The following PRUNE2 variants were observed in gnomAD, a reference collection of about 807,000 sequenced individuals.
PRUNE2 encodes the protein prune homolog 2 with BCH domain, also known as protein prune homolog 2.
Under a neutral mutation model 252.0 loss-of-function variants are expected in PRUNE2, and 164 were observed. That is an observed-to-expected ratio of 0.65 (90% CI 0.57 to 0.74). The LOEUF (loss-of-function observed/expected upper bound fraction) is 0.74, where lower values mean the gene tolerates loss of function less well. Among genes scored for constraint, PRUNE2 ranks in the 30% least tolerant of loss-of-function variants. The pLI is 0.00. For missense variants in PRUNE2, 3,495 were observed against 3,711.0 expected, an observed-to-expected ratio of 0.94 and a Z score of 1.51; for synonymous variants, 1,292 against 1,350.2, an observed-to-expected ratio of 0.96 and a Z score of 0.94.
intron 6 of PRUNE2, among the ~76,000 whole-genome samples, chr9:76,782,202 A>G (rs2054489289): frequency 6.6e-6 from 1 of 151,926 alleles, no homozygotes; most frequent in African/African-American, 2.4e-5. Context: ...TGACAAAGCG[A>G]GACTCCATCT....
At chr9:76,857,090 C>A (rs1394639794) in intron 1 of PRUNE2, 1 of 455,866 alleles carries the variant, frequency 2.2e-6, no homozygotes, top group South Asian at 1.5e-5. Context: ...CATTTCTCTC[C>A]TCACTTTCCT....
chr9:76,700,880 A>G (rs2045827327), intron 9 of PRUNE2, among the ~76,000 whole-genome samples: 1 of 152,212 alleles, frequency 6.6e-6, no homozygotes, highest in East Asian at 1.9e-4. Flanking sequence ...AATAGCGCAG[A>G]GTGCTTAACA....
chr9:76,637,774 T>G (rs557659052), intron 13 of PRUNE2, among the ~76,000 whole-genome samples: 5 of 152,300 alleles, frequency 3.3e-5, no homozygotes, highest in Admixed American at 3.3e-4. Flanking sequence ...GAAAAATGTA[T>G]GGGTTAGAAA....
intron 4 of PRUNE2, 97 bp downstream of exon 4, chr9:76,846,418 T>C: frequency 1.8e-6 from 2 of 1,099,616 alleles, no homozygotes; most frequent in Non-Finnish European, 2.6e-6. Context: ...TTAAAGAGAT[T>C]GTTAACCCAA....
At chr9:76,652,353 TA>T in intron 11 of PRUNE2, 129 bp downstream of exon 11, 1 of 697,772 alleles carries the variant, frequency 1.4e-6, no homozygotes, top group Non-Finnish European at 2.5e-6. Context: ...TGGCCACCTA[TA>T]ACCTGAAATA....
chr9:76,858,244 A>G (rs1281244894), intron 1 of PRUNE2, among the ~76,000 whole-genome samples: 1 of 152,252 alleles, frequency 6.6e-6, no homozygotes, highest in Non-Finnish European at 1.5e-5. Flanking sequence ...CTGCACTTGC[A>G]ATTTAGTGCA....
intron 9 of PRUNE2, among the ~76,000 whole-genome samples, chr9:76,673,563 C>A (rs2041942807): frequency 7.1e-6 from 1 of 140,170 alleles, no homozygotes; most frequent in African/African-American, 2.7e-5. Context: ...ATGAGGCCAG[C>A]ATCATTCTGA....
chr9:76,734,869 G>C (rs979776959), intron 6 of PRUNE2, among the ~76,000 whole-genome samples: 1 of 152,196 alleles, frequency 6.6e-6, no homozygotes, highest in Non-Finnish European at 1.5e-5. Flanking sequence ...GAAGCTCCCT[G>C]TTCCTCTGAG....
At chr9:76,625,772 C>T (rs759577298) in intron 16 of PRUNE2, among the ~76,000 whole-genome samples, 9 of 152,160 alleles carry the variant, frequency 5.9e-5, no homozygotes, top group Non-Finnish European at 1.0e-4. Context: ...GCTCTGTCTT[C>T]TTGTTTCATA....
chr9:76,867,924 G>A (rs2060941156), intron 1 of PRUNE2, among the ~76,000 whole-genome samples: 1 of 152,076 alleles, frequency 6.6e-6, no homozygotes, highest in South Asian at 2.1e-4. Flanking sequence ...CTAGGCTCTT[G>A]TGTACATGTA....
At chr9:76,692,297 A>C in intron 9 of PRUNE2, 1 of 613,686 alleles carries the variant, frequency 1.6e-6, no homozygotes, top group Non-Finnish European at 2.9e-6. Context: ...GCTGAGTTTC[A>C]TTTGGGAATA....
chr9:76,815,423 A>G (rs1229214726), intron 6 of PRUNE2, among the ~76,000 whole-genome samples: 1 of 152,220 alleles, frequency 6.6e-6, no homozygotes, highest in Non-Finnish European at 1.5e-5. Flanking sequence ...GTGTCTGGTG[A>G]GAGCCTGTTC....
chr9:76,618,278 G>A (rs1830587714), intron 18 of PRUNE2, among the ~76,000 whole-genome samples: 4 of 152,152 alleles, frequency 2.6e-5, no homozygotes, highest in Admixed American at 2.6e-4. Flanking sequence ...AGGTCAACAT[G>A]GCAAATGTGA....
At chr9:76,666,643 GC>G (rs2040242635) in intron 9 of PRUNE2, among the ~76,000 whole-genome samples, 2 of 151,982 alleles carry the variant, frequency 1.3e-5, no homozygotes, top group Admixed American at 6.6e-5. Flanking sequence ...TCCTTATCCT[GC>G]CCCTTTTGCC....
chr9:76,794,870 G>T (rs953896809), intron 6 of PRUNE2, among the ~76,000 whole-genome samples: 1 of 152,098 alleles, frequency 6.6e-6, no homozygotes, highest in African/African-American at 2.4e-5. Flanking sequence ...TAAGCAAAGT[G>T]TCCAGAACAT....
In PRUNE2 at chr9:76,707,632, G is replaced by T; in HGVS notation, c.4642C>A (p.Pro1548Thr). The change falls in exon 8 of 19, where the codon CCT (proline) becomes ACT (threonine). Residue 1548 changes from proline (P) to threonine (T), a missense_variant. Coordinates refer to ENST00000376718, the MANE Select transcript of PRUNE2 (RefSeq NM_015225.3). ...SEYTHSSASS[P>T]ELNDSSVALS... is the part of the protein sequence containing the mutation. ...GCAACTGAAGAGTCATTTAACTCAG[G>T]ACTTGATGCACTTGAATGAGTATAC... The T allele has an allele frequency of 6.2e-7, 1 of 1,613,838 alleles. No individual in the cohort carries two copies. The highest frequency in any genetic ancestry group is 2.2e-5 in the East Asian group (1 of 44,858).
chr9:76,707,179 C>T lies in PRUNE2; in HGVS notation c.5095G>A (p.Glu1699Lys). The change falls in exon 8 of 19, where the codon GAG (glutamate) becomes AAG (lysine). Residue 1699 changes from glutamate (E) to lysine (K), a missense_variant. Transcript: ENST00000376718. The part of the protein sequence containing the change: ...DDSVGGEESI[E>K]EEIQVANCHV... ...CAGTTGGCCACCTGGATCTCTTCCT[C>T]TATTGACTCTTCACCACCGACACTG... 1 of 1,613,980 alleles carries T rather than the reference C, an allele frequency of 6.2e-7. No homozygotes were observed. The highest frequency in any genetic ancestry group is 1.7e-5 in the Admixed American group (1 of 60,020).
chr9:76,823,680 T>C lies in PRUNE2; in HGVS notation c.708A>G (p.Ser236=). The change falls in exon 6 of 19, where the codon TCA becomes TCG. Residue 236 remains serine (S), a synonymous_variant. Coordinates refer to ENST00000376718, the MANE Select transcript of PRUNE2 (RefSeq NM_015225.3). ...QTMLKDLKEL[S]DGEIKVAIST... ...TAATGGCCACTTTTATTTCTCCATC[T>C]GACAGCTCCTTTAGATCTTTCAACA... 1 of 1,612,564 alleles carries C rather than the reference T, an allele frequency of 6.2e-7. No individual in the cohort carries two copies. Among genetic ancestry groups the C allele is most frequent in the Non-Finnish European group, 8.5e-7 (1 of 1,178,622 alleles).
At chr9:76,855,082 A>AAAAATATAT (rs1490285240) in intron 1 of PRUNE2, among the ~76,000 whole-genome samples, 2 of 109,414 alleles carry the variant, frequency 1.8e-5, no homozygotes, top group African/African-American at 7.7e-5. Flanking sequence ...AAAAAAAAAA[A>AAAAATATAT]ATATATATAT....
Sources: gnomAD v4.1 joint callset for allele counts (sites outside exome capture counted in the v4.1 genomes callset) on GRCh38, gnomAD v4.1.1 for gene constraint, MANE v1.5 for transcripts, NCBI Gene and HGNC (gene_info 2026-07-23, HGNC 2026-07-21) for gene names.